The following MYO15B variants were observed in gnomAD, a reference collection of about 807,000 sequenced individuals.
MYO15B encodes the protein myosin XVB, also known as myosin XVB pseudogene.
In MYO15B, 207 loss-of-function variants were observed where a neutral mutation model predicts 119.3. The observed-to-expected ratio is 1.73, with a 90% CI of 1.55 to 1.95. The LOEUF (loss-of-function observed/expected upper bound fraction) is 1.95, where lower values mean the gene tolerates loss of function less well. Ranked by LOEUF, MYO15B falls within the 30% of genes most tolerant of loss-of-function variation. The pLI is 0.00. For synonymous variants in MYO15B, 966 were observed against 498.9 expected, an observed-to-expected ratio of 1.94 and a Z score of -12.48; for missense variants, 2,264 against 1,203.1, an observed-to-expected ratio of 1.88 and a Z score of -13.04.
chr17:75,616,820 C>T (rs150200285), intron 39 of MYO15B, 35 bp downstream of exon 39: 557 of 703,034 alleles, frequency 7.9e-4, no homozygotes, highest in Non-Finnish European at 9.1e-4. Flanking sequence ...AGGGCTGTCC[C>T]GCTCCTCGGG....
chr17:75,605,363 G>A (rs2057567831), intron 19 of MYO15B, 141 bp from the exon 20 acceptor site: 1 of 593,400 alleles, frequency 1.7e-6, no homozygotes, highest in Non-Finnish European at 3.0e-6. Flanking sequence ...CCTGAACCCG[G>A]GAGGCGGAGC....
At chr17:75,588,669 A>C (rs1186442718) in exon 1 of MYO15B, 1 of 400,180 alleles carries the variant, frequency 2.5e-6, no homozygotes, top group Non-Finnish European at 4.4e-6. Context: ...CGCTGGAGCC[A>C]AGCAGCGACG....
chr17:75,614,776 A>G, exon 32 of MYO15B: 1 of 702,728 alleles, frequency 1.4e-6, no homozygotes, highest in Non-Finnish European at 2.6e-6. Flanking sequence ...CCCACAGGGG[A>G]GGTCCAGAGG....
intron 14 of MYO15B, chr17:75,600,591 T>TC (rs1276011185): frequency 1.5e-5 from 2 of 129,934 alleles, no homozygotes; most frequent in Non-Finnish European, 3.4e-5. Context: ...TCTTTTCTTT[T>TC]TTTTTTTTTT....
At chr17:75,613,673 C>T in intron 28 of MYO15B, 32 bp from the exon 29 acceptor site, 1 of 699,786 alleles carries the variant, frequency 1.4e-6, no homozygotes. Context: ...TGCTGTCCCT[C>T]ACTCTTGCCC....
At chr17:75,616,648 A>G (rs1171453422) in exon 39 of MYO15B, 2 of 702,860 alleles carry the variant, frequency 2.8e-6, no homozygotes, top group Non-Finnish European at 5.2e-6. Context: ...GCCAAGGGCC[A>G]GCCCAAGGCA....
chr17:75,624,071 G>A lies in MYO15B; in HGVS notation c.8272+7G>A, dbSNP rs189804377. ...GATTCAGGCCCCAGCCAAGGTGCCC[G>A]TGGGAAGGGGAGATGGAGGAGAGGC... On this transcript the variant is annotated splice_region_variant and intron_variant, in intron 55 of 63. Transcript: ENST00000645453. 21 of 703,074 alleles carry A rather than the reference G, an allele frequency of 3.0e-5. No homozygotes were observed. Among genetic ancestry groups the A allele is most frequent in the East Asian group, 8.0e-5 (3 of 37,294 alleles). The allele number at this position is 703,074 out of a possible 1,614,324, so 43.6% of individuals were successfully genotyped here.
chr17:75,590,918 G>A (rs1188346223), exon 3 of MYO15B: 5 of 494,658 alleles, frequency 1.0e-5, no homozygotes, highest in South Asian at 6.8e-5. Flanking sequence ...CCTTTGGGGG[G>A]CCTGTCTTGC....
chr17:75,590,070 C>A (rs1031610303), exon 1 of MYO15B: 3 of 398,920 alleles, frequency 7.5e-6, no homozygotes, highest in Admixed American at 8.8e-5. Context: ...GAGACCCGGG[C>A]CTCCGTGGGT....
Position 75,592,314 on chromosome 17 carries a change from C to T in MYO15B, c.2715+13C>T. 1 of 702,844 alleles carries T rather than the reference C, an allele frequency of 1.4e-6. No individual in the cohort carries two copies. Among genetic ancestry groups the T allele is most frequent in the Middle Eastern group, 2.3e-4 (1 of 4,370 alleles). 43.5% of individuals were successfully genotyped at this position (702,844 alleles called of 1,614,324 possible). A position where few individuals can be genotyped will look rare whatever the true frequency, so the allele number is the denominator to read the frequency against. On this transcript the variant is annotated intron_variant, in intron 7 of 63. Coordinates refer to ENST00000645453, the Ensembl canonical transcript of MYO15B. Reference sequence around the variant, plus strand: ...GGTGGTGTTTCAGGTAAAGGCAGCCCTTCTATCCACCCCTGCCCAGTTCCC... The same window carrying T: ...GGTGGTGTTTCAGGTAAAGGCAGCCTTTCTATCCACCCCTGCCCAGTTCCC...
At position 75,612,680 on chromosome 17, in the gene MYO15B, C is replaced by T. The variant is rs2058100051; in HGVS notation, c.4636-118C>T. ...CTCTGCCTCAAAAAAAAAAAAAAGG[C>T]ATTAAGATGCATTTCTGTCCAGCCC... On this transcript the variant is annotated intron_variant, in intron 25 of 63. Transcript: ENST00000645453. 1.1e-5 allele frequency: 7 copies of T among 626,070 alleles called. No individual in the cohort carries two copies. In the East Asian group the frequency reaches 1.7e-4, roughly 15 times the overall value. 38.8% of individuals were successfully genotyped at this position (626,070 alleles called of 1,614,324 possible). A position where few individuals can be genotyped will look rare whatever the true frequency, so the allele number is the denominator to read the frequency against.
chr17:75,598,542 A>AG (rs61531742), intron 14 of MYO15B, among the ~76,000 whole-genome samples: 1 of 150,232 alleles, frequency 6.7e-6, no homozygotes, highest in Non-Finnish European at 1.5e-5. Context: ...AAAAAAAAAA[A>AG]AAAAGAAAAT....
chr17:75,595,188 T>C (rs978077934), intron 12 of MYO15B: 7 of 596,608 alleles, frequency 1.2e-5, no homozygotes, highest in Admixed American at 5.9e-5. Context: ...CCTCTGAGGA[T>C]TTAGAATCTC....
At chr17:75,598,435 G>A (rs1238002359) in intron 14 of MYO15B, among the ~76,000 whole-genome samples, 3 of 150,432 alleles carry the variant, frequency 2.0e-5, no homozygotes, top group African/African-American at 7.3e-5. Context: ...AAAATTAGCC[G>A]GGCGTGATAG....
At chr17:75,619,696 G>A (rs951598042) in exon 46 of MYO15B, 12 of 702,898 alleles carry the variant, frequency 1.7e-5, no homozygotes, top group South Asian at 1.2e-4. Context: ...GAGTGGCAGC[G>A]ACGTGCAGCT....
rs2056439020 is a variant in MYO15B, at chr17:75,591,401, C to CCAAA, written c.2435+155_2435+156insCAAA. The CCAAA allele has an allele frequency of 6.5e-6, 4 of 619,422 alleles. No homozygotes were observed. In the South Asian group the frequency reaches 7.6e-5, roughly 12 times the overall value. 38.4% of individuals were successfully genotyped at this position (619,422 alleles called of 1,614,324 possible). A position where few individuals can be genotyped will look rare whatever the true frequency, so the allele number is the denominator to read the frequency against. On this transcript the variant is annotated intron_variant, in intron 4 of 63. Coordinates refer to ENST00000645453, the Ensembl canonical transcript of MYO15B. ...GCCGAGCTCCTGGCTGAAATCATCA[C>CCAAA]ATGAGCCCCTGGAATGTGGCATCTT... is the stretch of plus-strand genomic sequence containing the variant.
chr17:75,620,378 G>A lies in MYO15B; in HGVS notation c.7555+21G>A, dbSNP rs962004730. 1.1e-5 allele frequency: 8 copies of A among 702,780 alleles called. No homozygotes were observed. The African/African-American group carries it at 1.2e-4, about 11-fold the overall frequency. The allele number at this position is 702,780 out of a possible 1,614,324, so 43.5% of individuals were successfully genotyped here. A position where few individuals can be genotyped will look rare whatever the true frequency, so the allele number is the denominator to read the frequency against. ...GCCAGGTATCGCCAGAGGCCGGCAG[G>A]GGCTCACACAGGGAGGGCATCCACT... On this transcript the variant is annotated intron_variant, in intron 48 of 63. Transcript: ENST00000645453.
chr17:75,613,335 C>T lies in MYO15B; in HGVS notation c.5010C>T (p.Cys1670=), dbSNP rs932629744. Residue 1670 remains cysteine (C), a synonymous_variant, in exon 28 of 64, where the codon TGC becomes TGT. Coordinates refer to ENST00000645453, the Ensembl canonical transcript of MYO15B. ...CCCCCAGGGGCATGGCAGCGCTGTGCCAGCACAAGCTGCTGGGGGCCTTGG... is the reference window on the plus strand; with the variant it reads ...CCCCCAGGGGCATGGCAGCGCTGTGTCAGCACAAGCTGCTGGGGGCCTTGG... 6 of 674,530 alleles carry T rather than the reference C, an allele frequency of 8.9e-6. No individual in the cohort carries two copies. In the African/African-American group the frequency reaches 9.0e-5, roughly 10 times the overall value. The allele number at this position is 674,530 out of a possible 1,614,324, so 41.8% of individuals were successfully genotyped here. A position where few individuals can be genotyped will look rare whatever the true frequency, so the allele number is the denominator to read the frequency against.
intron 53 of MYO15B, 81 bp from the exon 54 acceptor site, chr17:75,623,700 C>G: frequency 2.9e-6 from 2 of 690,562 alleles, no homozygotes; most frequent in Non-Finnish European, 5.3e-6. Flanking sequence ...AGCCCATGGC[C>G]TAGCAGGGTT....
Sources: gnomAD v4.1 joint callset for allele counts (sites outside exome capture counted in the v4.1 genomes callset) on GRCh38, gnomAD v4.1.1 for gene constraint, MANE v1.5 for transcripts, NCBI Gene and HGNC (gene_info 2026-07-23, HGNC 2026-07-21) for gene names.